PRODH2: variants seen among roughly 807,000 people sequenced by gnomAD.
The protein encoded by PRODH2 is hydroxyproline dehydrogenase.
Under a neutral mutation model 51.9 loss-of-function variants are expected in PRODH2, and 49 were observed. The ratio of observed to expected loss-of-function variants is 0.94; its 90% CI spans 0.75 to 1.20. PRODH2 has a LOEUF of 1.20. PRODH2 is among the 50% of genes most tolerant of loss of function. PRODH2 has a pLI of 0.00. For missense variants in PRODH2, 597 were observed against 610.9 expected (o/e 0.98, Z 0.24); for synonymous variants, 249 against 260.7 (o/e 0.96, Z 0.43).
At chr19:35,805,201 G>C (rs1972492393) in intron 7 of PRODH2, among the ~76,000 whole-genome samples, 1 of 152,040 alleles carries the variant, frequency 6.6e-6, no homozygotes, top group Admixed American at 6.6e-5. Context: ...CCACTGAATT[G>C]TACATGTTAA....
At position 35,800,063 on chromosome 19, in the gene PRODH2, G is replaced by A. The variant is rs1406399728; in HGVS notation, c.1358C>T (p.Pro453Leu). Reference protein sequence around the residue: ...LSQELWRRLLPGCRRIPH With the variant: ...LSQELWRRLLLGCRRIPH The stretch of plus-strand genomic sequence containing the variant: ...CTAGTGGGGTATCCTTCGGCATCCT[G>A]GCAGCAGCCGCCGCCACAGTTCTTG... The change falls in exon 10 of 10, where the codon CCA (proline) becomes CTA (leucine). Residue 453 changes from proline (P) to leucine (L), a missense_variant. Transcript: ENST00000653904. 6.2e-7 allele frequency: 1 copy of A among 1,611,676 alleles called. No homozygotes were observed. Among genetic ancestry groups the A allele is most frequent in the Admixed American group, 1.7e-5 (1 of 59,802 alleles).
chr19:35,812,627 C>T lies in PRODH2; in HGVS notation c.174+5G>A. On this transcript the variant is annotated splice_donor_5th_base_variant and intron_variant, in intron 1 of 9. Transcript: ENST00000653904. The stretch of plus-strand genomic sequence containing the variant: ...TCCAGGCTGGTCCTCAGGATCACTG[C>T]TCACCAACAGCCCGTGAGTGACGAG... 1 of 1,593,880 alleles carries T rather than the reference C, an allele frequency of 6.3e-7. No individual in the cohort carries two copies. The highest frequency in any genetic ancestry group is 8.6e-7 in the Non-Finnish European group (1 of 1,167,398).
intron 7 of PRODH2, among the ~76,000 whole-genome samples, chr19:35,805,586 G>GT (rs200409573): frequency 1.3e-5 from 2 of 152,076 alleles, no homozygotes; most frequent in Non-Finnish European, 2.9e-5. Flanking sequence ...TGTGTTTAAT[G>GT]TTTTTTACAG....
chr19:35,803,800 T>C (rs770881554), intron 7 of PRODH2, among the ~76,000 whole-genome samples: 3 of 152,222 alleles, frequency 2.0e-5, no homozygotes, highest in Non-Finnish European at 4.4e-5. Context: ...GAGAAGATAG[T>C]GCTCTATCGC....
rs114672197 is a variant in PRODH2, at chr19:35,804,350, G to T, written c.1002-1272C>A. 7.2e-3 allele frequency among the ~76,000 whole-genome samples: 1,095 copies of T among 152,286 alleles called. 17 individuals are homozygous for T. Among genetic ancestry groups the T allele is most frequent in the African/African-American group, 0.026 (1,067 of 41,552 alleles). On this transcript the variant is annotated intron_variant, in intron 7 of 9. Coordinates refer to ENST00000653904, the MANE Select transcript of PRODH2 (RefSeq NM_021232.2). ...TTACAGGTGTGAGGCCCTGCACCTG[G>T]CCCCTGACACTTCTATAAACAGCCT...
At chr19:35,803,400 G>A (rs751234273) in intron 7 of PRODH2, among the ~76,000 whole-genome samples, 12 of 152,086 alleles carry the variant, frequency 7.9e-5, no homozygotes, top group Admixed American at 1.3e-4. Context: ...GATTACAGGC[G>A]TGCACCATCA....
At chr19:35,804,927 C>A (rs1430944904) in intron 7 of PRODH2, among the ~76,000 whole-genome samples, 1 of 152,046 alleles carries the variant, frequency 6.6e-6, no homozygotes, top group Non-Finnish European at 1.5e-5. Flanking sequence ...CAGAGTGAGA[C>A]CCTGTCTCAA....
rs201531110 is a variant in PRODH2 at position 35,800,012 on chromosome 19, T to C, written c.*26A>G. ...CTTAGGCAGCACCTAAGGACTTTTA[T>C]TGACCACATGACCCCCTCAGGGGTG... is the stretch of plus-strand genomic sequence containing the variant. On this transcript the variant is annotated 3_prime_UTR_variant, in exon 10 of 10. Coordinates refer to ENST00000653904, the MANE Select transcript of PRODH2 (RefSeq NM_021232.2). 6.9e-6 allele frequency: 11 copies of C among 1,594,994 alleles called. No homozygotes were observed. Among genetic ancestry groups the C allele is most frequent in the African/African-American group, 5.4e-5 (4 of 74,666 alleles).
At chr19:35,801,983 C>T (rs1972438371) in intron 9 of PRODH2, 5 of 575,928 alleles carry the variant, frequency 8.7e-6, no homozygotes, top group Non-Finnish European at 1.2e-5. Flanking sequence ...ACAAAACACA[C>T]AAGAAATAAT....
intron 7 of PRODH2, among the ~76,000 whole-genome samples, chr19:35,804,473 G>A (rs11671781): frequency 0.4 from 60,320 of 152,166 alleles, 13,402 homozygotes; most frequent in East Asian, 0.8. Context: ...AACTCTGGGA[G>A]GCAGATGTTC....
At chr19:35,809,364 G>A (rs528378913) in intron 4 of PRODH2, among the ~76,000 whole-genome samples, 3 of 151,958 alleles carry the variant, frequency 2.0e-5, no homozygotes, top group Admixed American at 6.6e-5. Flanking sequence ...CACACCAGGT[G>A]TGCACCAGCA....
intron 4 of PRODH2, among the ~76,000 whole-genome samples, chr19:35,810,186 G>A (rs147052887): frequency 0.027 from 4,024 of 149,140 alleles, 169 homozygotes; most frequent in African/African-American, 0.089. Flanking sequence ...GAGAACCCGG[G>A]AGGCGGAGGT....
chr19:35,807,197 A>G (rs1295663653), intron 4 of PRODH2, 76 bp from the exon 5 acceptor site: 4 of 1,325,748 alleles, frequency 3.0e-6, no homozygotes, highest in African/African-American at 3.0e-5. Flanking sequence ...TCAGTTAGGT[A>G]CTATTTATTG....
At position 35,807,125 on chromosome 19, in the gene PRODH2, G is replaced by A; in HGVS notation, c.598-4C>T. 1.3e-6 allele frequency: 2 copies of A among 1,546,910 alleles called. No homozygotes were observed. The highest frequency in any genetic ancestry group is 8.8e-7 in the Non-Finnish European group (1 of 1,142,664). ...TGAGGCAGGAGACCTGGAGGTTCTAGGGGGCAGCAGGGGAAGTGGGGAAAA... is the reference window on the plus strand; with the variant it reads ...TGAGGCAGGAGACCTGGAGGTTCTAAGGGGCAGCAGGGGAAGTGGGGAAAA... On this transcript the variant is annotated splice_region_variant and splice_polypyrimidine_tract_variant and intron_variant, in intron 4 of 9. Transcript: ENST00000653904.
At chr19:35,807,295 C>A (rs541222009) in intron 4 of PRODH2, among the ~76,000 whole-genome samples, 174 bp from the exon 5 acceptor site, 1 of 152,174 alleles carries the variant, frequency 6.6e-6, no homozygotes, top group East Asian at 1.9e-4. Flanking sequence ...CCTTTCTGGG[C>A]CTCAGTTTTT....
chr19:35,801,241 A>C (rs1162631230), intron 9 of PRODH2, among the ~76,000 whole-genome samples: 3 of 152,080 alleles, frequency 2.0e-5, no homozygotes, highest in East Asian at 3.9e-4. Context: ...CAAGGCAGGC[A>C]GATCACCTGA....
At chr19:35,809,185 G>C (rs1568442695) in intron 4 of PRODH2, among the ~76,000 whole-genome samples, 1 of 147,978 alleles carries the variant, frequency 6.8e-6, no homozygotes, top group Non-Finnish European at 1.5e-5. Flanking sequence ...TCTCAAACTT[G>C]CCAGCTCAAG....
chr19:35,806,060 T>C (rs1300965749), intron 7 of PRODH2, among the ~76,000 whole-genome samples: 1 of 141,618 alleles, frequency 7.1e-6, no homozygotes, highest in Non-Finnish European at 1.5e-5. Context: ...TAAGGATTTC[T>C]TTTTGTTTTG....
At chr19:35,804,595 A>G (rs1245224015) in intron 7 of PRODH2, among the ~76,000 whole-genome samples, 2 of 152,142 alleles carry the variant, frequency 1.3e-5, no homozygotes, top group Admixed American at 6.6e-5. Context: ...AGGCTGTCTG[A>G]TGCTCCAGAG....
Sources: allele counts gnomAD v4.1 joint callset (sites outside exome capture counted in the v4.1 genomes callset), GRCh38; gene constraint gnomAD v4.1.1; transcripts MANE v1.5; gene names NCBI Gene and HGNC (gene_info 2026-07-23, HGNC 2026-07-21).